Variants in CFAP54 observed in about 807,000 individuals in gnomAD.
The protein encoded by CFAP54 is cilia and flagella associated protein 54.
In CFAP54, 290 loss-of-function variants were observed where a neutral mutation model predicts 370.4. The observed-to-expected ratio is 0.78, with a 90% CI of 0.71 to 0.86. The LOEUF (loss-of-function observed/expected upper bound fraction) is 0.86, where lower values mean the gene tolerates loss of function less well. CFAP54 is among the 40% of genes least tolerant of loss of function. The pLI, the probability that CFAP54 is intolerant of heterozygous loss-of-function variation, is 0.00. For missense variants in CFAP54, 3,399 were observed against 3,528.7 expected (o/e 0.96, Z 0.93); for synonymous variants, 1,206 against 1,236.5 (o/e 0.98, Z 0.52).
At chr12:96,654,083 A>T (rs1956892858) in intron 36 of CFAP54, among the ~76,000 whole-genome samples, 3 of 152,240 alleles carry the variant, frequency 2.0e-5, no homozygotes, top group Non-Finnish European at 4.4e-5. Context: ...TAAATGTACT[A>T]ACAAACTTGA....
intron 13 of CFAP54, 152 bp downstream of exon 13, chr12:96,538,670 C>T (rs921474051): frequency 1.7e-5 from 12 of 718,556 alleles, no homozygotes; most frequent in Non-Finnish European, 2.2e-5. Flanking sequence ...TTCTTTCTAG[C>T]GCTGAGTGAC....
intron 17 of CFAP54, among the ~76,000 whole-genome samples, chr12:96,563,043 T>C (rs745567302): frequency 3.3e-5 from 5 of 152,214 alleles, no homozygotes; most frequent in Non-Finnish European, 5.9e-5. Flanking sequence ...GTGTCAGGTT[T>C]TAAGAAACTA....
In CFAP54 at chr12:96,511,609, C is replaced by T. The variant is rs193019835; in HGVS notation, c.740-1377C>T. ...CTGGGATTACAGGTGTGAGACACCA[C>T]GCCCGGCTGGGATTACAGGTGCACA... On this transcript the variant is annotated intron_variant, in intron 4 of 67. Coordinates refer to ENST00000524981, the MANE Select transcript of CFAP54 (RefSeq NM_001306084.2). 1.1e-4 allele frequency among the ~76,000 whole-genome samples: 17 copies of T among 151,528 alleles called. No homozygotes were observed. In the East Asian group the frequency reaches 1.4e-3, roughly 12 times the overall value.
At chr12:96,533,609 C>A (rs1404380076) in intron 9 of CFAP54, among the ~76,000 whole-genome samples, 183 bp from the exon 10 acceptor site, 2 of 152,124 alleles carry the variant, frequency 1.3e-5, no homozygotes, top group African/African-American at 4.8e-5. Context: ...GATGCCCTTC[C>A]TATTTGTCCC....
At chr12:96,547,668 T>C (rs1955654874) in intron 14 of CFAP54, among the ~76,000 whole-genome samples, 1 of 152,222 alleles carries the variant, frequency 6.6e-6, no homozygotes, top group Non-Finnish European at 1.5e-5. Context: ...TTTCTGAGAT[T>C]ATCGGTAATT....
chr12:96,702,492 A>G (rs1957502708), intron 46 of CFAP54, among the ~76,000 whole-genome samples: 1 of 152,222 alleles, frequency 6.6e-6, no homozygotes, highest in African/African-American at 2.4e-5. Flanking sequence ...ATGAGAAGGA[A>G]AGAGAAACCA....
At chr12:96,703,384 A>G (rs1011334091) in intron 46 of CFAP54, among the ~76,000 whole-genome samples, 1 of 152,278 alleles carries the variant, frequency 6.6e-6, no homozygotes, top group South Asian at 2.1e-4. Flanking sequence ...GAACATTCTT[A>G]TGGCCAGGCA....
At chr12:96,526,169 C>T (rs1955378382) in intron 8 of CFAP54, among the ~76,000 whole-genome samples, 2 of 152,306 alleles carry the variant, frequency 1.3e-5, no homozygotes, top group South Asian at 4.1e-4. Context: ...AGGAAATCTT[C>T]CAGCTGGATA....
chr12:96,599,308 T>C (rs1478402502), intron 26 of CFAP54, among the ~76,000 whole-genome samples: 1 of 152,148 alleles, frequency 6.6e-6, no homozygotes, highest in Non-Finnish European at 1.5e-5. Context: ...GGTTTCCAGC[T>C]TCATCCATGT....
Position 96,806,186 on chromosome 12 carries a change from ATATATATATATATATATATATATATAT to A in CFAP54, c.8851-5549_8851-5523del, listed in dbSNP as rs1565984866. On this transcript the variant is annotated intron_variant, in intron 63 of 67. Transcript: ENST00000524981. ...TATATATATATATATATATATATAT[ATATATATATATATATATATATATATAT>A]AATAACAACATAAAAAGAAAGTTGG... Among the ~76,000 whole-genome samples, 83 of 86,212 alleles carry A rather than the reference ATATATATATATATATATATATATATAT, an allele frequency of 9.6e-4. 8 individuals are homozygous for A. The highest frequency in any genetic ancestry group is 5.4e-3 in the East Asian group (14 of 2,590). The allele number at this position is 86,212 out of a possible 152,430, so 56.6% of individuals were successfully genotyped here. A position where few individuals can be genotyped will look rare whatever the true frequency, so the allele number is the denominator to read the frequency against.
At chr12:96,730,992 G>T (rs1957913656) in intron 50 of CFAP54, among the ~76,000 whole-genome samples, 1 of 152,170 alleles carries the variant, frequency 6.6e-6, no homozygotes, top group Non-Finnish European at 1.5e-5. Context: ...ATCTCTGGGG[G>T]TGTCTCCCAG....
intron 60 of CFAP54, among the ~76,000 whole-genome samples, chr12:96,774,526 T>A (rs553001855): frequency 6.6e-6 from 1 of 152,138 alleles, no homozygotes; most frequent in African/African-American, 2.4e-5. Flanking sequence ...ATACATTTTT[T>A]AAATTTTTGT....
At chr12:96,874,623 T>TTTTTG (rs1960253879) in intron 67 of CFAP54, among the ~76,000 whole-genome samples, 1 of 11,302 alleles carries the variant, frequency 8.8e-5, no homozygotes, top group Non-Finnish European at 2.1e-4. Flanking sequence ...TTTTTTTTAT[T>TTTTTG]TTTATTTTAT....
intron 48 of CFAP54, among the ~76,000 whole-genome samples, chr12:96,713,289 C>A (rs1322553667): frequency 3.9e-5 from 6 of 152,066 alleles, no homozygotes; most frequent in African/African-American, 1.4e-4. Flanking sequence ...ACCTAAGTGT[C>A]CAGCAGTGGA....
At chr12:96,792,196 T>G in intron 62 of CFAP54, 133 bp from the exon 63 acceptor site, 1 of 729,626 alleles carries the variant, frequency 1.4e-6, no homozygotes, top group Non-Finnish European at 2.1e-6. Context: ...AAGCCAGGGT[T>G]AGTTTTAAGA....
rs373060261 is a variant in CFAP54, at chr12:96,783,560, T to C, written c.8282-1157T>C. ...TAACTCATTGTACATTTTCAGGATA[T>C]ATCCATCATTACTCTTATAATGCCC... On this transcript the variant is annotated intron_variant, in intron 60 of 67. Coordinates refer to ENST00000524981, the MANE Select transcript of CFAP54 (RefSeq NM_001306084.2). Among the ~76,000 whole-genome samples the C allele has an allele frequency of 1.5e-4, 23 of 152,318 alleles. 1 individual carries two copies. The South Asian group carries it at 3.7e-3, about 25-fold the overall frequency.
At chr12:96,800,960 T>A (rs1282014816) in intron 63 of CFAP54, among the ~76,000 whole-genome samples, 1 of 152,218 alleles carries the variant, frequency 6.6e-6, no homozygotes, top group East Asian at 1.9e-4. Flanking sequence ...ATGATGGTCC[T>A]GGCTATAGGC....
chr12:96,817,487 C>A (rs1958988566), intron 64 of CFAP54, among the ~76,000 whole-genome samples: 1 of 151,262 alleles, frequency 6.6e-6, no homozygotes, highest in Non-Finnish European at 1.5e-5. Flanking sequence ...GTGGCGCAAT[C>A]TCCGCTCACT....
intron 63 of CFAP54, among the ~76,000 whole-genome samples, chr12:96,805,638 G>A (rs1456669717): frequency 6.6e-6 from 1 of 151,844 alleles, no homozygotes; most frequent in Non-Finnish European, 1.5e-5. Flanking sequence ...AACACTGTTG[G>A]TGGGAATGTA....
Sources: allele counts gnomAD v4.1 joint callset (sites outside exome capture counted in the v4.1 genomes callset), GRCh38; gene constraint gnomAD v4.1.1; transcripts MANE v1.5; gene names NCBI Gene and HGNC (gene_info 2026-07-23, HGNC 2026-07-21).